CTR9: variants seen among roughly 807,000 people sequenced by gnomAD.
The protein encoded by CTR9 is CTR9 component of Paf1/RNA polymerase II complex.
In CTR9, 41 loss-of-function variants were observed where a neutral mutation model predicts 152.1. That is an observed-to-expected ratio of 0.27 (90% CI 0.21 to 0.35). The LOEUF is 0.35. Among genes scored for constraint, CTR9 ranks in the 10% least tolerant of loss-of-function variants. The pLI, the probability that CTR9 is intolerant of heterozygous loss-of-function variation, is 1.00. For synonymous variants in CTR9, 476 were observed against 496.2 expected (o/e 0.96, Z 0.54); for missense variants, 917 against 1,424.4 (o/e 0.64, Z 5.73).
At chr11:10,755,559 G>A (rs1862872027) in intron 3 of CTR9, 119 bp from the exon 4 acceptor site, 3 of 629,804 alleles carry the variant, frequency 4.8e-6, no homozygotes, top group African/African-American at 1.9e-5. Flanking sequence ...GCTTAAGCAC[G>A]TTACATTTGA....
chr11:10,754,434 A>G (rs1375775446), intron 2 of CTR9, among the ~76,000 whole-genome samples: 1 of 152,248 alleles, frequency 6.6e-6, no homozygotes, highest in African/African-American at 2.4e-5. Context: ...TAATGGATTT[A>G]TAATAAACTG....
chr11:10,772,852 C>G (rs779417938), intron 20 of CTR9, among the ~76,000 whole-genome samples, 197 bp downstream of exon 20: 19 of 151,950 alleles, frequency 1.3e-4, no homozygotes, highest in Non-Finnish European at 2.8e-4. Context: ...CATGGTGGAA[C>G]CCCGTCTCTA....
intron 5 of CTR9, among the ~76,000 whole-genome samples, chr11:10,758,750 A>C (rs1862927177): frequency 1.3e-5 from 2 of 152,176 alleles, no homozygotes; most frequent in African/African-American, 4.8e-5. Context: ...AAATGGTGCC[A>C]GAAATAAGAT....
chr11:10,774,152 G>A lies in CTR9; in HGVS notation c.2868G>A (p.Lys956=), dbSNP rs765626931. The A allele has an allele frequency of 1.2e-6, 2 of 1,604,938 alleles. No individual in the cohort carries two copies. The highest frequency in any genetic ancestry group is 1.7e-5 in the Admixed American group (1 of 58,066). ...AAGATGAGGAGGGTGGTGAGAGAAA[G>A]AAGAAAAAGAGGAGAAGGTAATGTC... is the stretch of plus-strand genomic sequence containing the variant. ...EGEDEEGGER[K]KKKRRRHPKG... Residue 956 remains lysine (K), a synonymous_variant, in exon 22 of 25, where the codon AAG becomes AAA. Transcript: ENST00000361367.
chr11:10,752,558 A>C (rs1158501057), intron 1 of CTR9, 114 bp from the exon 2 acceptor site: 7 of 715,682 alleles, frequency 9.8e-6, no homozygotes, highest in African/African-American at 1.8e-5. Flanking sequence ...ACCGTATTGA[A>C]AGTGAACACG....
At chr11:10,755,505 T>C (rs1401941569) in intron 3 of CTR9, among the ~76,000 whole-genome samples, 173 bp from the exon 4 acceptor site, 1 of 152,238 alleles carries the variant, frequency 6.6e-6, no homozygotes, top group Non-Finnish European at 1.5e-5. Context: ...GACTTACATT[T>C]CAGGATAATT....
intron 5 of CTR9, 108 bp from the exon 6 acceptor site, chr11:10,760,064 GT>G: frequency 8.1e-7 from 1 of 1,230,344 alleles, no homozygotes; most frequent in African/African-American, 1.5e-5. Context: ...TTATACTGAG[GT>G]TAATTTTGGG....
At chr11:10,756,679 G>GT (rs1348765527) in intron 4 of CTR9, 70 bp from the exon 5 acceptor site, 37 of 1,010,450 alleles carry the variant, frequency 3.7e-5, no homozygotes, top group Non-Finnish European at 4.6e-5. Flanking sequence ...ACTTAGATAA[G>GT]TTAGTGTAAA....
At chr11:10,764,043 T>C in intron 9 of CTR9, 69 bp from the exon 10 acceptor site, 1 of 1,485,822 alleles carries the variant, frequency 6.7e-7, no homozygotes, top group South Asian at 1.1e-5. Flanking sequence ...CAGACTTACA[T>C]AGCCCCCACT....
At position 10,778,889 on chromosome 11, in the gene CTR9, T is replaced by C. The variant is rs377365610; in HGVS notation, c.3306T>C (p.Ser1102=). Residue 1102 remains serine, a synonymous_variant, in exon 25 of 25, where the codon TCT becomes TCC. Coordinates refer to ENST00000361367, the MANE Select transcript of CTR9 (RefSeq NM_014633.5). The part of the protein sequence containing the change: ...RKRRPSGSEQ[S]DNESVQSGRS... ...GAAGGCCCTCCGGTTCTGAGCAGTC[T>C]GACAATGAATCTGTGCAGTCAGGGA... 1.9e-6 allele frequency: 3 copies of C among 1,614,214 alleles called. No individual in the cohort carries two copies. Among genetic ancestry groups the C allele is most frequent in the African/African-American group, 2.7e-5 (2 of 75,058 alleles).
chr11:10,775,112 G>A (rs1279717108), intron 22 of CTR9, 95 bp from the exon 23 acceptor site: 16 of 949,172 alleles, frequency 1.7e-5, no homozygotes, highest in Non-Finnish European at 2.4e-5. Context: ...CCATATAGAA[G>A]AGGATTCAGA....
rs906842751 is a variant in CTR9 at position 10,753,541 on chromosome 11, A to G, written c.144+771A>G. On this transcript the variant is annotated intron_variant, in intron 2 of 24. Transcript: ENST00000361367. ...TGCTCTAAGAGTTTCTTCCTTTTAGATGTGGATTTACAGAGAAGTATTTTC... is the reference window on the plus strand; with the variant it reads ...TGCTCTAAGAGTTTCTTCCTTTTAGGTGTGGATTTACAGAGAAGTATTTTC... 2.0e-5 allele frequency among the ~76,000 whole-genome samples: 3 copies of G among 151,924 alleles called. No individual in the cohort carries two copies. In the East Asian group the frequency reaches 5.8e-4, roughly 29 times the overall value.
chr11:10,751,408 C>G lies in CTR9; in HGVS notation c.-5C>G, dbSNP rs755686110. On this transcript the variant is annotated 5_prime_UTR_variant, in exon 1 of 25. Transcript: ENST00000361367. ...CGAGACACTTGCTCGCCTTTTGACC[C>G]CATCATGTCGCGGGGCTCCATCGAG... The G allele has an allele frequency of 6.2e-7, 1 of 1,613,264 alleles. No homozygotes were observed.
At chr11:10,756,914 A>T (rs1280259544) in intron 5 of CTR9, 76 bp downstream of exon 5, 3 of 952,498 alleles carry the variant, frequency 3.1e-6, no homozygotes, top group South Asian at 1.4e-5. Context: ...TCAGTTGCTT[A>T]TGAAGTTATG....
At chr11:10,770,777 C>T in intron 18 of CTR9, 145 bp downstream of exon 18, 1 of 740,498 alleles carries the variant, frequency 1.4e-6, no homozygotes, top group South Asian at 2.7e-5. Context: ...TAAAGGTGGT[C>T]TATTAGAATC....
At chr11:10,755,512 A>G (rs1380036599) in intron 3 of CTR9, among the ~76,000 whole-genome samples, 166 bp from the exon 4 acceptor site, 3 of 152,174 alleles carry the variant, frequency 2.0e-5, no homozygotes, top group Non-Finnish European at 2.9e-5. Context: ...ATTTCAGGAT[A>G]ATTTCTTATT....
intron 2 of CTR9, among the ~76,000 whole-genome samples, chr11:10,753,862 C>T (rs564539727): frequency 9.2e-5 from 14 of 152,130 alleles, no homozygotes; most frequent in Non-Finnish European, 1.5e-4. Context: ...GATCAAGTCC[C>T]GGCATGGCTG....
At chr11:10,763,615 T>G (rs376089534) in intron 8 of CTR9, 28 bp from the exon 9 acceptor site, 3 of 1,576,012 alleles carry the variant, frequency 1.9e-6, no homozygotes, top group East Asian at 2.2e-5. Context: ...TTTGTACATA[T>G]TGGTCTTTTT....
chr11:10,760,848 C>A (rs188630501), intron 6 of CTR9, among the ~76,000 whole-genome samples: 67 of 152,288 alleles, frequency 4.4e-4, no homozygotes, highest in African/African-American at 1.5e-3. Context: ...TAATGTGCAG[C>A]CTTTCTTCAT....
Sources: allele counts gnomAD v4.1 joint callset (sites outside exome capture counted in the v4.1 genomes callset), GRCh38; gene constraint gnomAD v4.1.1; transcripts MANE v1.5; gene names NCBI Gene and HGNC (gene_info 2026-07-23, HGNC 2026-07-21).